Variants in SAXO2 observed in about 807,000 individuals in gnomAD.
SAXO2 encodes the protein stabilizer of axonemal microtubules 2.
In SAXO2, 17 loss-of-function variants were observed where a neutral mutation model predicts 18.7. The observed-to-expected ratio is 0.91, with a 90% CI of 0.62 to 1.36. The LOEUF is 1.36. Ranked by LOEUF, SAXO2 falls within the 40% of genes most tolerant of loss-of-function variation. The pLI is 0.00. For missense variants in SAXO2, 486 were observed against 562.6 expected (o/e 0.86, Z 1.38); for synonymous variants, 163 against 181.2 (o/e 0.90, Z 0.81).
chr15:82,263,180 C>T (rs1484404653), intron 1 of SAXO2: 12 of 1,450,558 alleles, frequency 8.3e-6, no homozygotes, highest in Non-Finnish European at 1.1e-5. Context: ...AAAATGCCAC[C>T]CGGGCCAGGT....
Position 82,267,108 on chromosome 15 carries a change from A to T in SAXO2, c.233+1360A>T, listed in dbSNP as rs371775410. Among the ~76,000 whole-genome samples the T allele has an allele frequency of 6.6e-5, 10 of 152,320 alleles. 1 individual carries two copies. In the East Asian group the frequency reaches 1.5e-3, roughly 23 times the overall value. ...ATCTGAGATAGGTGTCAGTTAATTT[A>T]GAAAGTTTATTTTGCCAAGGTTGAG... On this transcript the variant is annotated intron_variant, in intron 2 of 3. Coordinates refer to ENST00000682753, the MANE Select transcript of SAXO2 (RefSeq NM_001348699.2).
chr15:82,275,452 C>A lies in SAXO2; in HGVS notation c.433+3650C>A, dbSNP rs549958350. On this transcript the variant is annotated intron_variant, in intron 3 of 3. Transcript: ENST00000682753. ...GTGAAACTAGTATGATCCTGATAAC[C>A]AAAATCTGACAAAAACACAAAAAGA... 1.8e-3 allele frequency among the ~76,000 whole-genome samples: 276 copies of A among 152,030 alleles called. 1 individual carries two copies. Among genetic ancestry groups the A allele is most frequent in the African/African-American group, 6.4e-3 (265 of 41,480 alleles).
chr15:82,267,320 A>C (rs2075228518), intron 2 of SAXO2, among the ~76,000 whole-genome samples: 1 of 152,250 alleles, frequency 6.6e-6, no homozygotes, highest in Non-Finnish European at 1.5e-5. Context: ...TCATATGTAG[A>C]TAAGAGACAA....
intron 3 of SAXO2, among the ~76,000 whole-genome samples, chr15:82,280,781 A>G (rs769112588): frequency 6.6e-6 from 1 of 152,096 alleles, no homozygotes; most frequent in Non-Finnish European, 1.5e-5. Context: ...CAATTCTCCC[A>G]TTTCTATCTC....
rs184901848 is a variant in SAXO2 at position 82,284,420 on chromosome 15, G to T, written c.*1358G>T. 3.4e-4 allele frequency: 52 copies of T among 152,046 alleles called. No homozygotes were observed. Among genetic ancestry groups the T allele is most frequent in the Middle Eastern group, 6.8e-3 (2 of 294 alleles). The allele number at this position is 152,046 out of a possible 1,614,324, so 9.4% of individuals were successfully genotyped here. ...TTGCAGAAAGGAAAAAGTATTATTTGCTAGGGTAGTTTTAGGAAGACTGAC... is the reference window on the plus strand; with the variant it reads ...TTGCAGAAAGGAAAAAGTATTATTTTCTAGGGTAGTTTTAGGAAGACTGAC... On this transcript the variant is annotated 3_prime_UTR_variant, in exon 4 of 4. Coordinates refer to ENST00000682753, the MANE Select transcript of SAXO2 (RefSeq NM_001348699.2).
Position 82,282,697 on chromosome 15 carries a change from C to G in SAXO2, c.1012C>G (p.Pro338Ala), listed in dbSNP as rs149603065. 3.1e-6 allele frequency: 5 copies of G among 1,613,962 alleles called. No homozygotes were observed. In the African/African-American group the frequency reaches 6.7e-5, roughly 22 times the overall value. ...TTCTCAAAAAAGAAGTAACAATTTT[C>G]CTTTCCAAGGAAAAAGCATCATGAA... Reference protein sequence around the residue: ...PVSQKRSNNFPFQGKSIMKED... With the variant: ...PVSQKRSNNFAFQGKSIMKED... Residue 338 changes from proline (P) to alanine (A), a missense_variant, in exon 4 of 4, where the codon CCT becomes GCT. Physicochemically the swap from Pro to Ala is conservative, Grantham distance 27. Transcript: ENST00000682753.
At position 82,282,225 on chromosome 15, in the gene SAXO2, T is replaced by C. The variant is rs2075367922; in HGVS notation, c.540T>C (p.Asp180=). ...GAAATTCAACTACATTTCAGGATGA[T>C]TTTGTTCCTCAGGAGATAAAGCCTA... ...KFGNSTTFQD[D]FVPQEIKPRQ... is the part of the protein sequence containing the mutation. The change falls in exon 4 of 4, where the codon GAT becomes GAC. Residue 180 remains aspartate, a synonymous_variant. Coordinates refer to ENST00000682753, the MANE Select transcript of SAXO2 (RefSeq NM_001348699.2). The C allele has an allele frequency of 1.9e-6, 3 of 1,614,056 alleles. No individual in the cohort carries two copies. The highest frequency in any genetic ancestry group is 1.6e-4 in the Middle Eastern group (1 of 6,082).
At chr15:82,278,390 A>C (rs1259835477) in intron 3 of SAXO2, among the ~76,000 whole-genome samples, 1 of 152,240 alleles carries the variant, frequency 6.6e-6, no homozygotes, top group Admixed American at 6.5e-5. Context: ...ACAAGATCCT[A>C]AGCTTCAAAT....
At chr15:82,277,893 C>T (rs1424668511) in intron 3 of SAXO2, among the ~76,000 whole-genome samples, 1 of 152,122 alleles carries the variant, frequency 6.6e-6, no homozygotes, top group Admixed American at 6.5e-5. Flanking sequence ...TTCAAAACCA[C>T]TCATAGACTC....
At chr15:82,264,953 A>G in intron 1 of SAXO2, 1 of 554,924 alleles carries the variant, frequency 1.8e-6, no homozygotes, top group East Asian at 2.9e-5. Context: ...TGAAACCTAA[A>G]TTGTATGTGG....
chr15:82,274,375 C>T (rs987707149), intron 3 of SAXO2, among the ~76,000 whole-genome samples: 3 of 151,996 alleles, frequency 2.0e-5, no homozygotes, highest in Non-Finnish European at 4.4e-5. Flanking sequence ...TATGAATGTG[C>T]TGCAGGTTTT....
chr15:82,282,303 T>C lies in SAXO2; in HGVS notation c.618T>C (p.Asn206=), dbSNP rs1418158953. The C allele has an allele frequency of 1.2e-6, 2 of 1,614,196 alleles. No individual in the cohort carries two copies. Among genetic ancestry groups the C allele is most frequent in the Non-Finnish European group, 1.7e-6 (2 of 1,180,030 alleles). ...TCAAACGTTCTACAGCCCCTTTTAA[T>C]GGTATTACAAGTCATCGCCTTGATT... ...SVVKRSTAPF[N]GITSHRLDYI... Residue 206 remains asparagine, a synonymous_variant, in exon 4 of 4, where the codon AAT becomes AAC. Transcript: ENST00000682753.
chr15:82,283,237 T>C lies in SAXO2; in HGVS notation c.*175T>C, dbSNP rs1187832801. 20 of 427,952 alleles carry C rather than the reference T, an allele frequency of 4.7e-5. No homozygotes were observed. The highest frequency in any genetic ancestry group is 3.1e-5 in the Non-Finnish European group (8 of 255,294). 26.5% of individuals were successfully genotyped at this position (427,952 alleles called of 1,614,324 possible). A position where few individuals can be genotyped will look rare whatever the true frequency, so the allele number is the denominator to read the frequency against. Reference sequence around the variant, plus strand: ...GAATCTTAAAACCATTTTTTATTGATATTTTAATCAAGATTGTTCTTTAAT... The same window carrying C: ...GAATCTTAAAACCATTTTTTATTGACATTTTAATCAAGATTGTTCTTTAAT... On this transcript the variant is annotated 3_prime_UTR_variant, in exon 4 of 4. Coordinates refer to ENST00000682753, the MANE Select transcript of SAXO2 (RefSeq NM_001348699.2).
intron 2 of SAXO2, 136 bp from the exon 3 acceptor site, chr15:82,271,467 A>C: frequency 1.4e-6 from 1 of 707,788 alleles, no homozygotes; most frequent in Non-Finnish European, 2.3e-6. Flanking sequence ...GTAGTTTATC[A>C]ACTATTACCA....
At chr15:82,275,601 G>A (rs992615548) in intron 3 of SAXO2, among the ~76,000 whole-genome samples, 2 of 152,046 alleles carry the variant, frequency 1.3e-5, no homozygotes, top group Non-Finnish European at 2.9e-5. Context: ...TTTTATTCCT[G>A]GTATGCAAGG....
chr15:82,282,807 T>TG lies in SAXO2; in HGVS notation c.1124dup (p.Leu376PhefsTer12). The TG allele has an allele frequency of 6.2e-7, 1 of 1,614,038 alleles. No homozygotes were observed. The highest frequency in any genetic ancestry group is 8.5e-7 in the Non-Finnish European group (1 of 1,179,968). On this transcript the variant is annotated frameshift_variant, in exon 4 of 4. Transcript: ENST00000682753. LOFTEE classifies it low-confidence loss of function (END_TRUNC). ...TTCCCAACCCATCTGGAAAATTTGATGGTTTGAGCACTTTCAGATCTCACT... is the reference window on the plus strand; with the variant it reads ...TTCCCAACCCATCTGGAAAATTTGATGGGTTTGAGCACTTTCAGATCTCACT...
chr15:82,266,157 CA>C (rs1718787479), intron 2 of SAXO2, among the ~76,000 whole-genome samples: 8 of 148,432 alleles, frequency 5.4e-5, no homozygotes, highest in African/African-American at 2.0e-4. Flanking sequence ...AAAAAAAAAT[CA>C]CAAAAAAATC....
At chr15:82,263,442 A>C (rs949396868) in intron 1 of SAXO2, 34 of 703,296 alleles carry the variant, frequency 4.8e-5, no homozygotes, top group African/African-American at 4.5e-4. Context: ...AAAGTCAGTA[A>C]GTAGTCCCTA....
Position 82,282,853 on chromosome 15 carries a change from C to G in SAXO2, c.1168C>G (p.Pro390Ala). Residue 390 changes from proline (P) to alanine (A), a missense_variant, in exon 4 of 4, where the codon CCA (proline) becomes GCA (alanine). Pro to Ala is a conservative substitution (Grantham distance 27). Transcript: ENST00000682753. The part of the protein sequence containing the change: ...RSHYVPHELI[P>A]TESCKPLNIA... Reference sequence around the variant, plus strand: ...TCACTATGTGCCACATGAATTGATCCCAACAGAGAGTTGCAAACCTTTAAA... The same window carrying G: ...TCACTATGTGCCACATGAATTGATCGCAACAGAGAGTTGCAAACCTTTAAA... 2 of 1,613,686 alleles carry G rather than the reference C, an allele frequency of 1.2e-6. No homozygotes were observed. The highest frequency in any genetic ancestry group is 1.7e-6 in the Non-Finnish European group (2 of 1,179,804).
Sources: allele counts gnomAD v4.1 joint callset (sites outside exome capture counted in the v4.1 genomes callset), GRCh38; gene constraint gnomAD v4.1.1; transcripts MANE v1.5; gene names NCBI Gene and HGNC (gene_info 2026-07-23, HGNC 2026-07-21).